The following STK32B variants were observed in gnomAD, a reference collection of about 807,000 sequenced individuals.
STK32B encodes serine/threonine kinase 32B.
In STK32B, 43 loss-of-function variants were observed where a neutral mutation model predicts 52.6. The observed-to-expected ratio is 0.82, with a 90% confidence interval of 0.64 to 1.05. The LOEUF (loss-of-function observed/expected upper bound fraction) is 1.05, where lower values mean the gene tolerates loss of function less well. Among genes scored for constraint, STK32B ranks in the 50% least tolerant of loss-of-function variants. The probability of loss-of-function intolerance (pLI) is 0.00; values close to 1 mark genes in which losing one functional copy is unlikely to be tolerated. For synonymous variants in STK32B, 238 were observed against 204.3 expected (o/e 1.17, Z -1.41); for missense variants, 621 against 534.6 (o/e 1.16, Z -1.59).
chr4:5,069,793 A>G (rs1261404482), intron 1 of STK32B, among the ~76,000 whole-genome samples: 4 of 152,172 alleles, frequency 2.6e-5, no homozygotes, highest in African/African-American at 9.6e-5. Flanking sequence ...AAAGGCACAG[A>G]TTTTGGGATC....
intron 3 of STK32B, among the ~76,000 whole-genome samples, chr4:5,274,335 G>A (rs998879282): frequency 2.0e-5 from 3 of 152,096 alleles, no homozygotes; most frequent in Admixed American, 6.6e-5. Flanking sequence ...AGATATGATC[G>A]ATTGATTTTT....
In STK32B at chr4:5,225,602, GTTCAGAACC is replaced by G. The variant is rs1040594185; in HGVS notation, c.260+57155_260+57163del. Among the ~76,000 whole-genome samples, 9 of 152,050 alleles carry G rather than the reference GTTCAGAACC, an allele frequency of 5.9e-5. No homozygotes were observed. The East Asian group carries it at 9.7e-4, about 16-fold the overall frequency. On this transcript the variant is annotated intron_variant, in intron 3 of 11. Transcript: ENST00000282908. ...TGCAGGCCCTCCCGGTGGCTGACAGGTTCAGAACCTTAGAGGGCTGGTGATTTGGTGCCA... is the reference window on the plus strand; with the variant it reads ...TGCAGGCCCTCCCGGTGGCTGACAGGTTAGAGGGCTGGTGATTTGGTGCCA...
At chr4:5,328,306 A>T (rs1162147789) in intron 3 of STK32B, among the ~76,000 whole-genome samples, 2 of 152,208 alleles carry the variant, frequency 1.3e-5, no homozygotes, top group Non-Finnish European at 2.9e-5. Flanking sequence ...TTATGTTGTA[A>T]GAGTCTAGCT....
intron 11 of STK32B, among the ~76,000 whole-genome samples, chr4:5,489,097 G>T (rs1025578206): frequency 1.8e-4 from 27 of 152,042 alleles, no homozygotes; most frequent in African/African-American, 5.3e-4. Flanking sequence ...ATTTGAAGTC[G>T]TAATTGAAAA....
At chr4:5,207,687 A>G (rs942066785) in intron 3 of STK32B, among the ~76,000 whole-genome samples, 2 of 151,596 alleles carry the variant, frequency 1.3e-5, no homozygotes, top group African/African-American at 4.8e-5. Context: ...AGTCTCAGAC[A>G]CTTTCTTAAT....
chr4:5,413,601 T>C (rs1479472330), intron 5 of STK32B, among the ~76,000 whole-genome samples: 2 of 152,228 alleles, frequency 1.3e-5, no homozygotes, highest in African/African-American at 4.8e-5. Flanking sequence ...TTAACATTAT[T>C]TGCATTTTTA....
intron 1 of STK32B, among the ~76,000 whole-genome samples, chr4:5,129,033 C>A (rs1033880177): frequency 2.0e-5 from 3 of 152,180 alleles, no homozygotes; most frequent in African/African-American, 7.2e-5. Context: ...TGGCCTTGAA[C>A]TAATAGATTA....
intron 4 of STK32B, among the ~76,000 whole-genome samples, chr4:5,373,706 C>A (rs904530285): frequency 6.6e-6 from 1 of 152,186 alleles, no homozygotes; most frequent in African/African-American, 2.4e-5. Context: ...AGGAATCCGC[C>A]TCTCTCCCCA....
At chr4:5,088,451 G>T (rs1226178488) in intron 1 of STK32B, among the ~76,000 whole-genome samples, 1 of 151,994 alleles carries the variant, frequency 6.6e-6, no homozygotes, top group Admixed American at 6.6e-5. Flanking sequence ...ATAACTAAAA[G>T]AATATAATTG....
chr4:5,036,917 C>T, the STK32B span, among the ~76,000 whole-genome samples: 3 of 151,980 alleles, frequency 2.0e-5, no homozygotes, highest in Admixed American at 6.6e-5. Flanking sequence ...CTGCCCACCT[C>T]GGCCTCCCAA....
At chr4:5,252,173 A>C (rs1026551589) in intron 3 of STK32B, among the ~76,000 whole-genome samples, 1 of 152,180 alleles carries the variant, frequency 6.6e-6, no homozygotes, top group Non-Finnish European at 1.5e-5. Flanking sequence ...TACCTTTTCT[A>C]TGCTCAGAGT....
intron 2 of STK32B, among the ~76,000 whole-genome samples, chr4:5,157,054 C>T (rs1717913203): frequency 6.6e-6 from 1 of 151,916 alleles, no homozygotes; most frequent in African/African-American, 2.4e-5. Context: ...GTAACAAATC[C>T]ATTTGGGAAT....
At chr4:5,349,986 C>T (rs1385184944) in intron 4 of STK32B, among the ~76,000 whole-genome samples, 1 of 152,026 alleles carries the variant, frequency 6.6e-6, no homozygotes, top group African/African-American at 2.4e-5. Context: ...ACATATGGGA[C>T]ACCATAAATC....
At chr4:5,333,601 T>C (rs1357600112) in intron 4 of STK32B, among the ~76,000 whole-genome samples, 1 of 152,238 alleles carries the variant, frequency 6.6e-6, no homozygotes, top group Non-Finnish European at 1.5e-5. Flanking sequence ...AGAGTTTTTA[T>C]GGTTTTAGGT....
chr4:5,370,984 A>ATATATGTGTGTG (rs1553879907), intron 4 of STK32B, among the ~76,000 whole-genome samples: 1 of 145,316 alleles, frequency 6.9e-6, no homozygotes, highest in Admixed American at 6.9e-5. Flanking sequence ...ATATATATAT[A>ATATATGTGTGTG]TGTGTGTGTG....
intron 4 of STK32B, among the ~76,000 whole-genome samples, chr4:5,333,307 T>C (rs200728566): frequency 0.14 from 21,749 of 152,144 alleles, 2,256 homozygotes; most frequent in African/African-American, 0.29. Flanking sequence ...TCATGTCCTT[T>C]GCCCACTTTT....
intron 6 of STK32B, among the ~76,000 whole-genome samples, chr4:5,443,475 C>T (rs1049042010): frequency 6.6e-6 from 1 of 152,132 alleles, no homozygotes; most frequent in Non-Finnish European, 1.5e-5. Context: ...AAGCACTCCT[C>T]TGTATTGGTT....
At position 5,500,374 on chromosome 4, in the gene STK32B, T is replaced by C. The variant is rs1383268526; in HGVS notation, c.*1291T>C. ...GCATTGGATGACTCATAGAATGGCC[T>C]TTTTTGTCAGCATAATCGTCATCAT... is the stretch of plus-strand genomic sequence containing the variant. On this transcript the variant is annotated 3_prime_UTR_variant, in exon 12 of 12. Transcript: ENST00000282908. 6 of 152,216 alleles carry C rather than the reference T, an allele frequency of 3.9e-5. No homozygotes were observed. Among genetic ancestry groups the C allele is most frequent in the Non-Finnish European group, 8.8e-5 (6 of 68,034 alleles). 9.4% of individuals were successfully genotyped at this position (152,216 alleles called of 1,614,324 possible).
intron 3 of STK32B, among the ~76,000 whole-genome samples, chr4:5,227,253 CAATGAGATTTCAT>C (rs1452610485): frequency 6.6e-6 from 1 of 152,184 alleles, no homozygotes; most frequent in Non-Finnish European, 1.5e-5. Context: ...GAAATCATGT[CAATGAGATTTCAT>C]TCTCTCTCAC....
Sources: allele counts gnomAD v4.1 joint callset (sites outside exome capture counted in the v4.1 genomes callset), GRCh38; gene constraint gnomAD v4.1.1; transcripts MANE v1.5; gene names NCBI Gene and HGNC (gene_info 2026-07-23, HGNC 2026-07-21).